MLLT3: variants seen among roughly 807,000 people sequenced by gnomAD.
The protein encoded by MLLT3 is protein AF-9.
In MLLT3, 4 loss-of-function variants were observed where a neutral mutation model predicts 53.2. The observed-to-expected ratio is 0.08, with a 90% CI of 0.04 to 0.17. The LOEUF is 0.17. Among genes scored for constraint, MLLT3 ranks in the 10% least tolerant of loss-of-function variants. The probability of loss-of-function intolerance (pLI) is 1.00; values close to 1 mark genes in which losing one functional copy is unlikely to be tolerated. For missense variants in MLLT3, 569 were observed against 684.0 expected, an observed-to-expected ratio of 0.83 and a Z score of 1.87; for synonymous variants, 283 against 230.6, an observed-to-expected ratio of 1.23 and a Z score of -2.06.
Position 20,621,693 on chromosome 9 carries a change from C to T in MLLT3, c.12+552G>A. On this transcript the variant is annotated intron_variant, in intron 1 of 10. Coordinates refer to ENST00000380338, the MANE Select transcript of MLLT3 (RefSeq NM_004529.4). The surrounding 1 kb of genome is among the most constrained non-coding windows in gnomAD (Gnocchi z 7.0). ...GGCTCGCGCTCAGCACCTCCCGGCG[C>T]TGGGGCAAAGTTGCGTGCGGCCCCG... is the stretch of plus-strand genomic sequence containing the variant. The T allele has an allele frequency of 7.1e-7, 1 of 1,409,604 alleles. No individual in the cohort carries two copies. Among genetic ancestry groups the T allele is most frequent in the South Asian group, 1.3e-5 (1 of 76,912 alleles). 87.3% of individuals were successfully genotyped at this position (1,409,604 alleles called of 1,614,324 possible). A position where few individuals can be genotyped will look rare whatever the true frequency, so the allele number is the denominator to read the frequency against.
At chr9:20,434,567 T>C (rs921660695) in intron 4 of MLLT3, among the ~76,000 whole-genome samples, 8 of 152,186 alleles carry the variant, frequency 5.3e-5, no homozygotes, top group Non-Finnish European at 1.0e-4. Context: ...CAAGGACCCA[T>C]AACATACTGT....
chr9:20,581,242 T>C (rs1019440475), intron 2 of MLLT3, among the ~76,000 whole-genome samples: 25 of 152,206 alleles, frequency 1.6e-4, no homozygotes, highest in African/African-American at 5.5e-4. Context: ...GGTAAGTTAG[T>C]GTTTATTTTA....
chr9:20,346,401 A>G lies in MLLT3; in HGVS notation c.*42T>C. 2.7e-6 allele frequency: 4 copies of G among 1,455,848 alleles called. No homozygotes were observed. Among genetic ancestry groups the G allele is most frequent in the Non-Finnish European group, 3.6e-6 (4 of 1,101,052 alleles). 90.2% of individuals were successfully genotyped at this position (1,455,848 alleles called of 1,614,324 possible). On this transcript the variant is annotated 3_prime_UTR_variant, in exon 11 of 11. Transcript: ENST00000380338. ...AACCAAAAAAAAAAAAAACCAAAAAAAAAAAACACAATAGTTCTTGATGCA... is the reference window on the plus strand; with the variant it reads ...AACCAAAAAAAAAAAAAACCAAAAAGAAAAAACACAATAGTTCTTGATGCA...
intron 2 of MLLT3, among the ~76,000 whole-genome samples, chr9:20,546,252 C>T (rs1818785897): frequency 1.3e-5 from 2 of 152,052 alleles, no homozygotes; most frequent in African/African-American, 4.8e-5. Context: ...ACACAATCTA[C>T]ACATGTAATT....
chr9:20,446,020 G>C (rs1464495523), intron 4 of MLLT3, among the ~76,000 whole-genome samples: 2 of 152,008 alleles, frequency 1.3e-5, no homozygotes, highest in African/African-American at 2.4e-5. Flanking sequence ...CAAAAATCTA[G>C]GTAAGCCAAA....
chr9:20,376,269 G>A (rs1209252186), intron 5 of MLLT3, among the ~76,000 whole-genome samples: 3 of 151,884 alleles, frequency 2.0e-5, no homozygotes, highest in Non-Finnish European at 4.4e-5. Context: ...TTTGTATTAC[G>A]ACAACTTGAA....
At chr9:20,576,219 C>T (rs1819649969) in intron 2 of MLLT3, among the ~76,000 whole-genome samples, 1 of 152,200 alleles carries the variant, frequency 6.6e-6, no homozygotes, top group Non-Finnish European at 1.5e-5. Flanking sequence ...TAAGGCCTTG[C>T]TCTGGATTAG....
chr9:20,382,198 T>TTCTATACA (rs1301669981), intron 5 of MLLT3, among the ~76,000 whole-genome samples: 1 of 151,922 alleles, frequency 6.6e-6, no homozygotes, highest in African/African-American at 2.4e-5. Context: ...TCCTGAATTT[T>TTCTATACA]TCTATACATC....
At chr9:20,534,047 A>G (rs375083204) in intron 2 of MLLT3, among the ~76,000 whole-genome samples, 3 of 152,350 alleles carry the variant, frequency 2.0e-5, no homozygotes, top group Non-Finnish European at 2.9e-5. Flanking sequence ...ATCAGGCTGT[A>G]TAACTTGTAC....
intron 2 of MLLT3, among the ~76,000 whole-genome samples, chr9:20,486,227 T>C (rs1177316886): frequency 6.6e-6 from 1 of 152,150 alleles, no homozygotes; most frequent in African/African-American, 2.4e-5. Flanking sequence ...TACAAAAATA[T>C]ATAGCTTTTC....
At chr9:20,443,475 G>A (rs1357971217) in intron 4 of MLLT3, among the ~76,000 whole-genome samples, 3 of 151,964 alleles carry the variant, frequency 2.0e-5, no homozygotes, top group South Asian at 2.1e-4. Context: ...ATAATATTCC[G>A]AGCCCTTTAC....
intron 2 of MLLT3, among the ~76,000 whole-genome samples, chr9:20,458,841 C>T (rs758911113): frequency 2.0e-5 from 3 of 152,142 alleles, no homozygotes; most frequent in Non-Finnish European, 2.9e-5. Flanking sequence ...CAGGGCCTGG[C>T]GCATAAGTTC....
At chr9:20,445,788 G>A (rs1248294265) in intron 4 of MLLT3, among the ~76,000 whole-genome samples, 1 of 152,012 alleles carries the variant, frequency 6.6e-6, no homozygotes, top group Non-Finnish European at 1.5e-5. Flanking sequence ...ATACATCTAT[G>A]TCAACACATA....
intron 2 of MLLT3, among the ~76,000 whole-genome samples, chr9:20,583,297 A>G (rs1819852408): frequency 6.6e-6 from 1 of 152,150 alleles, no homozygotes; most frequent in African/African-American, 2.4e-5. Context: ...TGCAGGGTAC[A>G]GCCTCCCTCT....
At chr9:20,383,748 G>A (rs1287294267) in intron 5 of MLLT3, among the ~76,000 whole-genome samples, 1 of 151,916 alleles carries the variant, frequency 6.6e-6, no homozygotes, top group Non-Finnish European at 1.5e-5. Flanking sequence ...GACACTTCAA[G>A]AAATAAGGTA....
rs1314979337 is a variant in MLLT3, at chr9:20,621,461, C to T, written c.13-627G>A. The stretch of plus-strand genomic sequence containing the variant: ...TCATACACACTGAAACACACACACA[C>T]GCCCGCAGGAAAACACGCCGAGGCA... On this transcript the variant is annotated intron_variant, in intron 1 of 10. Transcript: ENST00000380338. This position sits in a 1 kb window ranked among gnomAD's most constrained non-coding sequence, Gnocchi z 7.0. Among the ~76,000 whole-genome samples the T allele has an allele frequency of 6.6e-6, 1 of 152,148 alleles. No individual in the cohort carries two copies. The highest frequency in any genetic ancestry group is 6.5e-5 in the Admixed American group (1 of 15,284).
intron 5 of MLLT3, among the ~76,000 whole-genome samples, chr9:20,376,498 C>T (rs1821769008): frequency 6.6e-6 from 1 of 152,158 alleles, no homozygotes. Context: ...CATTGAGGTG[C>T]CTGTTTTTAC....
chr9:20,390,877 C>T (rs1447985975), intron 5 of MLLT3, among the ~76,000 whole-genome samples: 1 of 152,108 alleles, frequency 6.6e-6, no homozygotes, highest in African/African-American at 2.4e-5. Flanking sequence ...ACTCGGGAGG[C>T]GGAAGTGAAA....
At chr9:20,515,982 T>A (rs939605905) in intron 2 of MLLT3, among the ~76,000 whole-genome samples, 1 of 152,236 alleles carries the variant, frequency 6.6e-6, no homozygotes, top group Non-Finnish European at 1.5e-5. Flanking sequence ...TTACTAGACA[T>A]GTTATATTGT....
Sources: allele counts gnomAD v4.1 joint callset (sites outside exome capture counted in the v4.1 genomes callset), GRCh38; gene constraint gnomAD v4.1.1; non-coding constraint Gnocchi (gnomAD v3.1); transcripts MANE v1.5; gene names NCBI Gene and HGNC (gene_info 2026-07-23, HGNC 2026-07-21).